MZT2B: variants seen among roughly 807,000 people sequenced by gnomAD.
MZT2B encodes mitotic-spindle organizing protein 2B.
Under a neutral mutation model 12.1 loss-of-function variants are expected in MZT2B, and 11 were observed. That is an observed-to-expected ratio of 0.91 (90% confidence interval 0.57 to 1.50). The LOEUF (loss-of-function observed/expected upper bound fraction) is 1.50, where lower values mean the gene tolerates loss of function less well. Among genes scored for constraint, MZT2B ranks in the 40% most tolerant of loss-of-function variants. The probability of loss-of-function intolerance (pLI) is 0.00; values close to 1 mark genes in which losing one functional copy is unlikely to be tolerated. For missense variants in MZT2B, 209 were observed against 227.7 expected (o/e 0.92, Z 0.53); for synonymous variants, 85 against 109.5 (o/e 0.78, Z 1.40).
the MZT2B span, among the ~76,000 whole-genome samples, chr2:130,197,511 AAAG>A: frequency 2.2e-4 from 27 of 124,326 alleles, 2 homozygotes; most frequent in African/African-American, 6.2e-4. Context: ...AAAAAAAAGA[AAAG>A]AAAAGAAAAA....
downstream of MZT2B, chr2:130,195,114 T>A (rs1392654688): frequency 6.2e-7 from 1 of 1,611,144 alleles, no homozygotes; most frequent in Admixed American, 1.7e-5. Flanking sequence ...AGGTCAACAA[T>A]CTCCTTGCCG....
intron 2 of MZT2B, 129 bp from the exon 3 acceptor site, chr2:130,190,340 G>T: frequency 7.2e-7 from 1 of 1,396,928 alleles, no homozygotes; most frequent in Non-Finnish European, 9.7e-7. Context: ...GGCTGATGCA[G>T]GGCCTCTAGC....
At chr2:130,198,494 G>A in the MZT2B span, 2 of 1,121,588 alleles carry the variant, frequency 1.8e-6, 1 homozygote, top group Non-Finnish European at 2.4e-6. Context: ...GCCGCCATTG[G>A]CTCGGAGTTC....
intron 2 of MZT2B, chr2:130,183,819 C>T: frequency 3.2e-6 from 5 of 1,550,720 alleles, no homozygotes; most frequent in Non-Finnish European, 4.4e-6. Context: ...GAACAGTAGC[C>T]CCCCTGCAAG....
chr2:130,202,874 A>G, the MZT2B span, among the ~76,000 whole-genome samples: 5 of 152,130 alleles, frequency 3.3e-5, no homozygotes, highest in Non-Finnish European at 7.4e-5. Context: ...CTGCTCTTAG[A>G]AGGGGCATCT....
At chr2:130,201,720 G>A in the MZT2B span, among the ~76,000 whole-genome samples, 6,614 of 152,214 alleles carry the variant, frequency 0.043, 465 homozygotes, top group African/African-American at 0.15. Flanking sequence ...GCTGGGATAC[G>A]TTCTCGACAA....
At chr2:130,200,782 G>A in the MZT2B span, among the ~76,000 whole-genome samples, 3 of 152,290 alleles carry the variant, frequency 2.0e-5, no homozygotes, top group South Asian at 4.2e-4. Context: ...TTTGACACTG[G>A]TTCTCACTAT....
intron 2 of MZT2B, among the ~76,000 whole-genome samples, chr2:130,186,204 G>A (rs927474382): frequency 2.6e-5 from 4 of 152,140 alleles, no homozygotes; most frequent in African/African-American, 9.7e-5. Flanking sequence ...CAGGACTCGG[G>A]TGTGGAGTTC....
chr2:130,190,576 C>G lies in MZT2B; in HGVS notation c.427C>G (p.Leu143Val). 1 of 1,613,574 alleles carries G rather than the reference C, an allele frequency of 6.2e-7. No individual in the cohort carries two copies. The highest frequency in any genetic ancestry group is 8.5e-7 in the Non-Finnish European group (1 of 1,179,818). ...RMPRQPSATR[L>V]PKGGGPGKSP... ...GCCACGCCAGCCCAGCGCTACCAGGCTGCCCAAGGGGGGCGGGCCTGGGAA... is the reference window on the plus strand; with the variant it reads ...GCCACGCCAGCCCAGCGCTACCAGGGTGCCCAAGGGGGGCGGGCCTGGGAA... The change falls in exon 3 of 3, where the codon CTG becomes GTG. Residue 143 changes from leucine (L) to valine (V), a missense_variant. Coordinates refer to ENST00000281871, the MANE Select transcript of MZT2B (RefSeq NM_025029.5).
At chr2:130,182,109 C>G (rs1689707744), upstream of MZT2B, 1 of 1,323,658 alleles carries the variant, frequency 7.6e-7, no homozygotes, top group Non-Finnish European at 9.7e-7. Context: ...ACCGTGAGCG[C>G]CCAATAACTG....
chr2:130,195,120 T>G (rs1690372251), downstream of MZT2B: 12 of 1,612,442 alleles, frequency 7.4e-6, no homozygotes, highest in Non-Finnish European at 1.0e-5. Flanking sequence ...ACAATCTCCT[T>G]GCCGATGGTG....
chr2:130,195,251 G>A, downstream of MZT2B: 1 of 1,612,140 alleles, frequency 6.2e-7, no homozygotes, highest in South Asian at 1.1e-5. Flanking sequence ...AGTGTGTACT[G>A]TGAATTTTTA....
At chr2:130,181,735 G>A (rs1689665586), upstream of MZT2B, 1 of 1,548,798 alleles carries the variant, frequency 6.5e-7, no homozygotes, top group Non-Finnish European at 8.7e-7. Context: ...AGGCAGGAGT[G>A]CGGGGGAGGG....
At chr2:130,192,727 T>G (rs191000788), downstream of MZT2B, among the ~76,000 whole-genome samples, 363 of 152,132 alleles carry the variant, frequency 2.4e-3, 2 homozygotes, top group African/African-American at 8.3e-3. Flanking sequence ...CAGAACTCGG[T>G]AATAACATGA....
downstream of MZT2B, chr2:130,194,190 C>T: frequency 6.2e-7 from 1 of 1,613,238 alleles, no homozygotes; most frequent in South Asian, 1.1e-5. Flanking sequence ...CGTTCAATGT[C>T]CAGGTTGCGC....
At chr2:130,197,146 C>T in the MZT2B span, among the ~76,000 whole-genome samples, 1 of 152,172 alleles carries the variant, frequency 6.6e-6, no homozygotes, top group Admixed American at 6.5e-5. Context: ...TGTAATGGCT[C>T]CCAGACATCA....
chr2:130,185,355 A>G lies in MZT2B; in HGVS notation c.319+2580A>G, dbSNP rs1690020199. 2.7e-5 allele frequency among the ~76,000 whole-genome samples: 4 copies of G among 150,532 alleles called. No homozygotes were observed. In the South Asian group the frequency reaches 8.4e-4, roughly 32 times the overall value. On this transcript the variant is annotated intron_variant, in intron 2 of 2. Coordinates refer to ENST00000281871, the MANE Select transcript of MZT2B (RefSeq NM_025029.5). ...CCAGGTGGGCATGGTGGTGGCGCCCATCTGTAGTCCCAGCTACTTGGGAGG... is the reference window on the plus strand; with the variant it reads ...CCAGGTGGGCATGGTGGTGGCGCCCGTCTGTAGTCCCAGCTACTTGGGAGG...
intron 2 of MZT2B, among the ~76,000 whole-genome samples, chr2:130,186,343 C>A (rs10186529): frequency 0.017 from 2,538 of 152,206 alleles, 55 homozygotes; most frequent in African/African-American, 0.057. Context: ...TTCACTCATA[C>A]CCACAGGGAA....
At chr2:130,199,503 T>C in the MZT2B span, among the ~76,000 whole-genome samples, 1 of 122,006 alleles carries the variant, frequency 8.2e-6, no homozygotes, top group African/African-American at 2.9e-5. Flanking sequence ...TGAGCTGAGA[T>C]CACGCCACTG....
Sources: allele counts gnomAD v4.1 joint callset (sites outside exome capture counted in the v4.1 genomes callset), GRCh38; gene constraint gnomAD v4.1.1; transcripts MANE v1.5; gene names NCBI Gene and HGNC (gene_info 2026-07-23, HGNC 2026-07-21).